The following TEAD1 variants were observed in gnomAD, a reference collection of about 807,000 sequenced individuals.
TEAD1 encodes transcriptional enhancer factor TEF-1.
Under a neutral mutation model 54.9 loss-of-function variants are expected in TEAD1, and 9 were observed. The observed-to-expected ratio is 0.16, with a 90% confidence interval of 0.10 to 0.29. TEAD1 has a LOEUF of 0.29. TEAD1 is among the 10% of genes least tolerant of loss of function. The pLI is 1.00. For missense variants in TEAD1, 387 were observed against 535.9 expected, an observed-to-expected ratio of 0.72 and a Z score of 2.74; for synonymous variants, 200 against 187.8, an observed-to-expected ratio of 1.07 and a Z score of -0.53.
intron 3 of TEAD1, among the ~76,000 whole-genome samples, chr11:12,801,644 C>T (rs541898509): frequency 2.4e-4 from 37 of 152,356 alleles, no homozygotes; most frequent in Non-Finnish European, 2.5e-4. Flanking sequence ...CTGAGCGTGT[C>T]TGCTTCCAAA....
intron 3 of TEAD1, among the ~76,000 whole-genome samples, chr11:12,776,841 C>T (rs1214537626): frequency 6.8e-6 from 1 of 147,324 alleles, no homozygotes; most frequent in Non-Finnish European, 1.5e-5. Context: ...CTTTTGTTGC[C>T]CAGGCTGGAG....
At chr11:12,784,083 G>A (rs920781258) in intron 3 of TEAD1, among the ~76,000 whole-genome samples, 1 of 152,134 alleles carries the variant, frequency 6.6e-6, no homozygotes, top group Non-Finnish European at 1.5e-5. Context: ...AGAGGTTATG[G>A]GAGTGACAAG....
At chr11:12,698,034 A>AG (rs961976785) in intron 2 of TEAD1, among the ~76,000 whole-genome samples, 1 of 152,088 alleles carries the variant, frequency 6.6e-6, no homozygotes, top group African/African-American at 2.4e-5. Flanking sequence ...AAAAAAAAAA[A>AG]AAAAGGGCCC....
chr11:12,877,970 T>G (rs1417453097), intron 5 of TEAD1, among the ~76,000 whole-genome samples: 27 of 150,982 alleles, frequency 1.8e-4, no homozygotes, highest in African/African-American at 5.9e-4. Flanking sequence ...GCTAATTTTT[T>G]TTTTTGTGTG....
intron 2 of TEAD1, among the ~76,000 whole-genome samples, chr11:12,732,547 A>C (rs1944445398): frequency 6.6e-6 from 1 of 152,178 alleles, no homozygotes; most frequent in African/African-American, 2.4e-5. Flanking sequence ...AGAGACAAAA[A>C]ACTGGCCAGA....
At chr11:12,828,926 G>T (rs1008610700) in intron 3 of TEAD1, among the ~76,000 whole-genome samples, 2 of 151,026 alleles carry the variant, frequency 1.3e-5, no homozygotes, top group African/African-American at 2.4e-5. Context: ...AAATTCTGTT[G>T]TGTATATTTC....
intron 3 of TEAD1, among the ~76,000 whole-genome samples, chr11:12,788,277 C>T (rs1246138651): frequency 2.0e-5 from 3 of 151,926 alleles, no homozygotes; most frequent in African/African-American, 7.3e-5. Context: ...GCTGGGACTA[C>T]AGAGCTACCG....
intron 9 of TEAD1, among the ~76,000 whole-genome samples, chr11:12,893,969 GT>G (rs1352407283): frequency 2.6e-5 from 4 of 152,152 alleles, no homozygotes; most frequent in Non-Finnish European, 5.9e-5. Flanking sequence ...GCCATTCCCT[GT>G]CCCCCCAGGG....
intron 2 of TEAD1, among the ~76,000 whole-genome samples, chr11:12,757,827 T>C (rs1945013389): frequency 6.6e-6 from 1 of 152,228 alleles, no homozygotes; most frequent in East Asian, 1.9e-4. Flanking sequence ...TCACTCAGAC[T>C]GGAGTGCAGT....
chr11:12,691,216 A>G (rs1379206415), intron 2 of TEAD1, among the ~76,000 whole-genome samples: 1 of 152,108 alleles, frequency 6.6e-6, no homozygotes, highest in African/African-American at 2.4e-5. Context: ...CCTCTTACTG[A>G]TGCTCAAATT....
chr11:12,732,598 C>T (rs1944446285), intron 2 of TEAD1, among the ~76,000 whole-genome samples: 1 of 152,140 alleles, frequency 6.6e-6, no homozygotes, highest in African/African-American at 2.4e-5. Context: ...TTAAATACTC[C>T]TCTGAGGGTA....
At chr11:12,746,555 G>A (rs1944748019) in intron 2 of TEAD1, among the ~76,000 whole-genome samples, 1 of 152,250 alleles carries the variant, frequency 6.6e-6, no homozygotes, top group Non-Finnish European at 1.5e-5. Context: ...TGAAGAAGCT[G>A]TAGTGGCGGT....
Position 12,942,367 on chromosome 11 carries a change from A to T in TEAD1, c.*5145A>T, listed in dbSNP as rs910544527. 1 of 152,350 alleles carries T rather than the reference A, an allele frequency of 6.6e-6. No homozygotes were observed. Among genetic ancestry groups the T allele is most frequent in the African/African-American group, 2.4e-5 (1 of 41,456 alleles). 9.4% of individuals were successfully genotyped at this position (152,350 alleles called of 1,614,324 possible). ...ACCACAGGCCTCTGTTCACAAGAGCACGACGTGGTCCCCGCCTGCTGCTAG... is the reference window on the plus strand; with the variant it reads ...ACCACAGGCCTCTGTTCACAAGAGCTCGACGTGGTCCCCGCCTGCTGCTAG... On this transcript the variant is annotated 3_prime_UTR_variant, in exon 13 of 13. Coordinates refer to ENST00000527636, the MANE Select transcript of TEAD1 (RefSeq NM_021961.6).
At chr11:12,812,802 C>G (rs976120034) in intron 3 of TEAD1, among the ~76,000 whole-genome samples, 1 of 152,172 alleles carries the variant, frequency 6.6e-6, no homozygotes, top group African/African-American at 2.4e-5. Flanking sequence ...TCTTCTGGTT[C>G]AGGAACACTG....
chr11:12,927,860 A>T (rs948930312), intron 11 of TEAD1, among the ~76,000 whole-genome samples: 1 of 152,172 alleles, frequency 6.6e-6, no homozygotes, highest in Admixed American at 6.5e-5. Context: ...CCATCTTAGC[A>T]AATTCTCATA....
intron 2 of TEAD1, among the ~76,000 whole-genome samples, chr11:12,712,325 GA>G (rs1169130714): frequency 5.9e-5 from 9 of 152,090 alleles, no homozygotes; most frequent in African/African-American, 2.2e-4. Flanking sequence ...ATGGCCTCTG[GA>G]ATCTTTGCTG....
At chr11:12,746,740 G>T (rs1471593670) in intron 2 of TEAD1, among the ~76,000 whole-genome samples, 1 of 152,166 alleles carries the variant, frequency 6.6e-6, no homozygotes, top group Non-Finnish European at 1.5e-5. Context: ...TGTTATTTTT[G>T]TGGTAACCTG....
intron 12 of TEAD1, among the ~76,000 whole-genome samples, chr11:12,935,255 C>T (rs553920922): frequency 1.3e-3 from 205 of 152,186 alleles, no homozygotes; most frequent in Non-Finnish European, 2.2e-3. Context: ...GAGCTCTCTG[C>T]GTGGTGAATA....
chr11:12,873,683 A>G (rs1947799132), intron 5 of TEAD1, among the ~76,000 whole-genome samples: 1 of 152,152 alleles, frequency 6.6e-6, no homozygotes, highest in Non-Finnish European at 1.5e-5. Context: ...GCCTTTTCTA[A>G]TGATAAGCAA....
Sources: allele counts gnomAD v4.1 joint callset (sites outside exome capture counted in the v4.1 genomes callset), GRCh38; gene constraint gnomAD v4.1.1; transcripts MANE v1.5; gene names NCBI Gene and HGNC (gene_info 2026-07-23, HGNC 2026-07-21).